Variants in ELAVL3 observed in about 807,000 individuals in gnomAD.
ELAVL3 encodes the protein ELAV like RNA binding protein 3.
Under a neutral mutation model 34.2 loss-of-function variants are expected in ELAVL3, and 8 were observed. The observed-to-expected ratio is 0.23, with a 90% CI of 0.14 to 0.42. The LOEUF is 0.42. Ranked by LOEUF, ELAVL3 falls within the 10% of genes least tolerant of loss-of-function variation. ELAVL3 has a pLI of 1.00. For missense variants in ELAVL3, 273 were observed against 518.8 expected, an observed-to-expected ratio of 0.53 and a Z score of 4.60; for synonymous variants, 209 against 222.1, an observed-to-expected ratio of 0.94 and a Z score of 0.53.
At chr19:11,456,991 G>C in intron 6 of ELAVL3, 119 bp downstream of exon 6, 1 of 899,016 alleles carries the variant, frequency 1.1e-6, no homozygotes, top group Non-Finnish European at 1.6e-6. Context: ...CAATGGCCAT[G>C]CTACTCCAAG....
chr19:11,475,748 G>A (rs912003671), intron 1 of ELAVL3, among the ~76,000 whole-genome samples: 3 of 151,860 alleles, frequency 2.0e-5, no homozygotes, highest in African/African-American at 7.3e-5. Flanking sequence ...GAAGTAGCTG[G>A]GACCACAGGC....
intron 3 of ELAVL3, among the ~76,000 whole-genome samples, chr19:11,465,028 CCACA>C (rs1352456442): frequency 7.8e-6 from 1 of 127,652 alleles, no homozygotes; most frequent in African/African-American, 3.0e-5. Flanking sequence ...CATACACACA[CCACA>C]CACACACCAC....
intron 6 of ELAVL3, 76 bp downstream of exon 6, chr19:11,457,034 G>T: frequency 1.5e-6 from 2 of 1,328,204 alleles, no homozygotes; most frequent in Non-Finnish European, 2.0e-6. Context: ...CTGCAGCCCT[G>T]GGGGTGAGCT....
intron 3 of ELAVL3, among the ~76,000 whole-genome samples, chr19:11,464,906 AACACACACCACACACACACCACACATAT>A (rs1469993146): frequency 1.6e-5 from 1 of 61,668 alleles, no homozygotes; most frequent in Admixed American, 1.8e-4. Context: ...ACACACCACA[AACACACACCACACACACACCACACATAT>A]ACACACACCA....
At chr19:11,479,404 C>T (rs530556025) in intron 1 of ELAVL3, among the ~76,000 whole-genome samples, 1 of 152,192 alleles carries the variant, frequency 6.6e-6, no homozygotes, top group South Asian at 2.1e-4. Flanking sequence ...GAAAAAGGGG[C>T]CCGGAAAGAG....
rs539323398 is a variant in ELAVL3 at position 11,451,971 on chromosome 19, G to A, written c.*2555C>T. On this transcript the variant is annotated 3_prime_UTR_variant, in exon 7 of 7. Transcript: ENST00000359227. ...GGAGAGAGCCCCAAGAGACAGCAGG[G>A]GAGAGGGGTCCCTGCCCTGCTGCAG... 1 of 152,326 alleles carries A rather than the reference G, an allele frequency of 6.6e-6. No individual in the cohort carries two copies. The highest frequency in any genetic ancestry group is 2.1e-4 in the South Asian group (1 of 4,826). 9.4% of individuals were successfully genotyped at this position (152,326 alleles called of 1,614,324 possible).
intron 1 of ELAVL3, among the ~76,000 whole-genome samples, chr19:11,476,104 G>A (rs561635579): frequency 4.6e-5 from 7 of 152,320 alleles, no homozygotes; most frequent in Admixed American, 4.6e-4. Context: ...GCACTGCACA[G>A]CTCTGCATTC....
At chr19:11,468,950 C>T (rs761381602) in intron 1 of ELAVL3, among the ~76,000 whole-genome samples, 2 of 152,046 alleles carry the variant, frequency 1.3e-5, no homozygotes, top group South Asian at 2.1e-4. Context: ...GACAAGGTCT[C>T]GCTCTGCCAC....
chr19:11,474,063 C>T (rs112946688), intron 1 of ELAVL3, among the ~76,000 whole-genome samples: 62 of 152,234 alleles, frequency 4.1e-4, no homozygotes, highest in African/African-American at 1.4e-3. Context: ...GACGGGGTCT[C>T]GCTCTGTCAC....
At chr19:11,457,496 T>C (rs2144879440) in intron 5 of ELAVL3, among the ~76,000 whole-genome samples, 1 of 152,280 alleles carries the variant, frequency 6.6e-6, no homozygotes, top group Non-Finnish European at 1.5e-5. Flanking sequence ...TCGCAGCACT[T>C]GAGGGGGTGG....
intron 3 of ELAVL3, among the ~76,000 whole-genome samples, chr19:11,464,169 T>TATATA (rs1568382072): frequency 1.4e-5 from 1 of 72,984 alleles, no homozygotes; most frequent in African/African-American, 7.3e-5. Flanking sequence ...ATATATATAT[T>TATATA]TTTTTTTTTT....
intron 1 of ELAVL3, among the ~76,000 whole-genome samples, chr19:11,475,612 C>CTTTTTTT (rs35672237): frequency 7.5e-6 from 1 of 133,768 alleles, no homozygotes; most frequent in African/African-American, 2.8e-5. Flanking sequence ...TCACCATCTA[C>CTTTTTTT]TTTTTTTTTT....
At chr19:11,472,718 G>A (rs1030761260) in intron 1 of ELAVL3, among the ~76,000 whole-genome samples, 1 of 151,610 alleles carries the variant, frequency 6.6e-6, no homozygotes, top group African/African-American at 2.4e-5. Flanking sequence ...AGAAAAAGAA[G>A]AAGAAGAAGA....
chr19:11,457,225 C>G (rs955987174), intron 5 of ELAVL3, 77 bp from the exon 6 acceptor site: 21 of 1,432,748 alleles, frequency 1.5e-5, no homozygotes, highest in Non-Finnish European at 1.9e-5. Context: ...CCTGCCCTCC[C>G]CACCCCCACC....
chr19:11,478,897 A>G (rs1328603352), intron 1 of ELAVL3, among the ~76,000 whole-genome samples: 1 of 152,088 alleles, frequency 6.6e-6, no homozygotes, highest in African/African-American at 2.4e-5. Flanking sequence ...ATGCATGGTG[A>G]GGCTGGGCTA....
chr19:11,478,142 G>C (rs796523611), intron 1 of ELAVL3, among the ~76,000 whole-genome samples: 1 of 152,170 alleles, frequency 6.6e-6, no homozygotes, highest in Non-Finnish European at 1.5e-5. Context: ...AGGAGGAGGT[G>C]GAGGGGATGG....
At chr19:11,478,597 T>TC (rs1465946757) in intron 1 of ELAVL3, among the ~76,000 whole-genome samples, 2 of 152,082 alleles carry the variant, frequency 1.3e-5, no homozygotes, top group Non-Finnish European at 2.9e-5. Context: ...CTTCTAAGTC[T>TC]CCCCCGACTT....
rs1204912364 is a variant in ELAVL3, at chr19:11,462,796, T to TA, written c.333+3375dup. ...CAACATGCTGAAACCCCGTCTCTAC[T>TA]AAAAAAAATACAAAGATTAGCCGTG... On this transcript the variant is annotated intron_variant, in intron 3 of 6. Transcript: ENST00000359227. Among the ~76,000 whole-genome samples, 7 of 148,940 alleles carry TA rather than the reference T, an allele frequency of 4.7e-5. No homozygotes were observed. In the East Asian group the frequency reaches 9.9e-4, roughly 21 times the overall value.
chr19:11,472,928 G>C (rs1460919675), intron 1 of ELAVL3, among the ~76,000 whole-genome samples: 1 of 151,926 alleles, frequency 6.6e-6, no homozygotes, highest in South Asian at 2.1e-4. Flanking sequence ...TTAGCCAGGT[G>C]GGGTGGTGGG....
Sources: gnomAD v4.1 joint callset for allele counts (sites outside exome capture counted in the v4.1 genomes callset) on GRCh38, gnomAD v4.1.1 for gene constraint, MANE v1.5 for transcripts, NCBI Gene and HGNC (gene_info 2026-07-23, HGNC 2026-07-21) for gene names.